The following COBL variants were observed in gnomAD, a reference collection of about 807,000 sequenced individuals.
The protein encoded by COBL is cordon-bleu WH2 repeat protein.
In COBL, 51 loss-of-function variants were observed where a neutral mutation model predicts 98.8. That is an observed-to-expected ratio of 0.52 (90% CI 0.41 to 0.65). COBL has a LOEUF of 0.65. Ranked by LOEUF, COBL falls within the 30% of genes least tolerant of loss-of-function variation. The pLI is 0.00. For synonymous variants in COBL, 634 were observed against 651.7 expected, an observed-to-expected ratio of 0.97 and a Z score of 0.41; for missense variants, 1,617 against 1,617.5, an observed-to-expected ratio of 1.00 and a Z score of 0.01.
intron 5 of COBL, among the ~76,000 whole-genome samples, chr7:51,140,117 A>G (rs898443608): frequency 2.6e-5 from 4 of 152,250 alleles, no homozygotes; most frequent in African/African-American, 9.6e-5. Flanking sequence ...AGGAGTTGCA[A>G]GTGCAACCAG....
At chr7:51,063,302 T>C (rs1248672093) in intron 7 of COBL, among the ~76,000 whole-genome samples, 1 of 151,992 alleles carries the variant, frequency 6.6e-6, no homozygotes. Context: ...GCCCGGCTAA[T>C]TTTTGTATTT....
intron 1 of COBL, among the ~76,000 whole-genome samples, chr7:51,265,882 T>TAC (rs34315790): frequency 0.011 from 1,638 of 152,306 alleles, 24 homozygotes; most frequent in African/African-American, 0.037. Flanking sequence ...CGATTTCCAT[T>TAC]ACACCTCTGA....
chr7:51,316,505 G>T, intron 1 of COBL, 88 bp downstream of exon 1: 1 of 1,004,668 alleles, frequency 1.0e-6, no homozygotes, highest in Non-Finnish European at 1.3e-6. Flanking sequence ...CAGAGAGGGC[G>T]CCCTGCCCGG....
At chr7:51,251,467 A>G (rs564783030) in intron 1 of COBL, among the ~76,000 whole-genome samples, 1 of 152,202 alleles carries the variant, frequency 6.6e-6, no homozygotes, top group Non-Finnish European at 1.5e-5. Context: ...ATCATTCTCA[A>G]ATGACCTCTG....
At chr7:51,067,352 G>A (rs141931193) in intron 7 of COBL, among the ~76,000 whole-genome samples, 1 of 152,330 alleles carries the variant, frequency 6.6e-6, no homozygotes, top group Non-Finnish European at 1.5e-5. Flanking sequence ...AGGCATATAT[G>A]TATGCATGTG....
In COBL at chr7:51,028,174, G is replaced by T. The variant is rs1407844961; in HGVS notation, c.2922C>A (p.Ser974=). 2 of 1,614,250 alleles carry T rather than the reference G, an allele frequency of 1.2e-6. No homozygotes were observed. The highest frequency in any genetic ancestry group is 1.7e-6 in the Non-Finnish European group (2 of 1,180,038). Reference sequence around the variant, plus strand: ...GGGAAGACTGAACCAGTGAGAAACAGGAGCTTCTGTGGATAGCAGCAGGTC... The same window carrying T: ...GGGAAGACTGAACCAGTGAGAAACATGAGCTTCTGTGGATAGCAGCAGGTC... The part of the protein sequence containing the change: ...QDRPAAIHRS[S]CFSLVQSSQR... Residue 974 remains serine (S), a synonymous_variant, in exon 10 of 13, where the codon TCC becomes TCA. Coordinates refer to ENST00000265136, the MANE Select transcript of COBL (RefSeq NM_015198.5).
At chr7:51,240,684 T>C (rs1373503663) in intron 1 of COBL, among the ~76,000 whole-genome samples, 1 of 144,690 alleles carries the variant, frequency 6.9e-6, no homozygotes, top group Non-Finnish European at 1.5e-5. Context: ...GTAGCTGGGA[T>C]TACAGGCACG....
chr7:51,290,143 C>G (rs1010900001), intron 1 of COBL, among the ~76,000 whole-genome samples: 2 of 152,130 alleles, frequency 1.3e-5, no homozygotes, highest in Non-Finnish European at 2.9e-5. Context: ...GGTGACTGCT[C>G]AAGATCAACA....
chr7:51,043,349 A>T, intron 8 of COBL, 34 bp downstream of exon 8: 1 of 1,589,878 alleles, frequency 6.3e-7, no homozygotes. Flanking sequence ...TGTGGCTGTG[A>T]CTTCCGTACC....
At position 51,029,215 on chromosome 7, in the gene COBL, C is replaced by T. The variant is rs1387864764; in HGVS notation, c.1881G>A (p.Thr627=). ...AAGCAAAAGAAGTCACCCTGGGCGC[C>T]GTTTCCATTAGATTCCCATCTTTAG... ...NISKDGNLME[T]APRVTSFASN... is the part of the protein sequence containing the mutation. The change falls in exon 10 of 13, where the codon ACG becomes ACA. Residue 627 remains threonine (T), a synonymous_variant. Coordinates refer to ENST00000265136, the MANE Select transcript of COBL (RefSeq NM_015198.5). The T allele has an allele frequency of 6.2e-7, 1 of 1,614,046 alleles. No homozygotes were observed.
At chr7:51,219,080 C>A (rs1460315461) in intron 2 of COBL, among the ~76,000 whole-genome samples, 1 of 152,116 alleles carries the variant, frequency 6.6e-6, no homozygotes, top group Non-Finnish European at 1.5e-5. Flanking sequence ...GTCACAAACT[C>A]AAAATGCTAT....
chr7:51,049,737 G>A (rs761200894), intron 7 of COBL, among the ~76,000 whole-genome samples: 2 of 152,204 alleles, frequency 1.3e-5, no homozygotes, highest in Non-Finnish European at 2.9e-5. Context: ...ATGCCAGGCT[G>A]CATGAGAAAC....
At chr7:51,144,111 T>C (rs1414997032) in intron 5 of COBL, among the ~76,000 whole-genome samples, 1 of 152,172 alleles carries the variant, frequency 6.6e-6, no homozygotes, top group Non-Finnish European at 1.5e-5. Context: ...GTGTGGTCTC[T>C]CCACCTGGGC....
intron 5 of COBL, among the ~76,000 whole-genome samples, chr7:51,178,168 CCCTCTCTCTCTCTA>C (rs1467983958): frequency 1.3e-5 from 2 of 151,800 alleles, no homozygotes; most frequent in East Asian, 3.9e-4. Context: ...CTCTCTCTCT[CCCTCTCTCTCTCTA>C]TATATATATA....
At chr7:51,311,778 G>A (rs1803067461) in intron 1 of COBL, among the ~76,000 whole-genome samples, 1 of 151,886 alleles carries the variant, frequency 6.6e-6, no homozygotes, top group South Asian at 2.1e-4. Context: ...AGTGTAAAAA[G>A]GCATATTATC....
At chr7:51,220,030 C>G (rs1793480051) in intron 1 of COBL, 86 bp from the exon 2 acceptor site, 3 of 1,328,476 alleles carry the variant, frequency 2.3e-6, no homozygotes, top group Non-Finnish European at 3.1e-6. Flanking sequence ...ATACTCAGGT[C>G]TGTCTTCAGG....
chr7:51,193,290 T>G, intron 3 of COBL, 89 bp downstream of exon 3: 1 of 1,183,118 alleles, frequency 8.5e-7, no homozygotes. Context: ...CTCTCTGCAC[T>G]GTACTTTGAT....
intron 1 of COBL, among the ~76,000 whole-genome samples, chr7:51,280,720 C>G (rs913910577): frequency 1.3e-5 from 2 of 152,300 alleles, no homozygotes; most frequent in African/African-American, 4.8e-5. Flanking sequence ...AAACTGCACA[C>G]GTATGGATCT....
At position 51,017,294 on chromosome 7, in the gene COBL, A is replaced by G; in HGVS notation, c.*257T>C. On this transcript the variant is annotated 3_prime_UTR_variant, in exon 13 of 13. Transcript: ENST00000265136. ...TTATAGTCCCATTAACCTGCCAACA[A>G]GAATCGTTTATTAGCAACTTAAGAT... The G allele has an allele frequency of 1.7e-6, 1 of 590,836 alleles. No individual in the cohort carries two copies. The highest frequency in any genetic ancestry group is 2.1e-5 in the South Asian group (1 of 46,516). The allele number at this position is 590,836 out of a possible 1,614,324, so 36.6% of individuals were successfully genotyped here. A position where few individuals can be genotyped will look rare whatever the true frequency, so the allele number is the denominator to read the frequency against.
Sources: gnomAD v4.1 joint callset for allele counts (sites outside exome capture counted in the v4.1 genomes callset) on GRCh38, gnomAD v4.1.1 for gene constraint, MANE v1.5 for transcripts, NCBI Gene and HGNC (gene_info 2026-07-23, HGNC 2026-07-21) for gene names.